The following TMSB4X variants were observed in gnomAD, a reference collection of about 807,000 sequenced individuals.
TMSB4X encodes thymosin beta-4.
In TMSB4X, 1 loss-of-function variant was observed where a neutral mutation model predicts 3.6. The observed-to-expected ratio is 0.28, with a 90% confidence interval of 0.10 to 1.32. The LOEUF (loss-of-function observed/expected upper bound fraction) is 1.32, where lower values mean the gene tolerates loss of function less well. TMSB4X is among the 40% of genes most tolerant of loss of function. The probability of loss-of-function intolerance (pLI) is 0.45; values close to 1 mark genes in which losing one functional copy is unlikely to be tolerated. For synonymous variants in TMSB4X, 12 were observed against 14.3 expected, an observed-to-expected ratio of 0.84 and a Z score of 0.36; for missense variants, 6 against 32.7, an observed-to-expected ratio of 0.18 and a Z score of 1.99.
At chrX:12,976,125 T>G in intron 1 of TMSB4X, 121 bp from the exon 2 acceptor site, 1 of 492,026 alleles carries the variant, frequency 2.0e-6, no homozygotes. Flanking sequence ...ACGGCAGCAG[T>G]AGGAGAGCGA....
chrX:12,976,360 A>C lies in TMSB4X; in HGVS notation c.99A>C (p.Glu33Asp), dbSNP rs2043296143. The C allele has an allele frequency of 8.3e-7, 1 of 1,199,972 alleles. No homozygotes were observed. Among genetic ancestry groups the C allele is most frequent in the Non-Finnish European group, 1.1e-6 (1 of 887,639 alleles). The change falls in exon 2 of 3, where the codon GAA becomes GAC. Residue 33 changes from glutamate to aspartate, a missense_variant and splice_region_variant. Glu to Asp is a conservative substitution (Grantham distance 45). Transcript: ENST00000451311. ...AGAAAAATCCACTGCCTTCCAAAGA[A>C]AGTGAGCTCCGACCCACCCCCATCT... ...TQEKNPLPSK[E>D]TIEQEKQAGE... is the part of the protein sequence containing the mutation.
At chrX:12,976,427 G>T in intron 2 of TMSB4X, 66 bp downstream of exon 2, 1 of 970,181 alleles carries the variant, frequency 1.0e-6, no homozygotes, top group Non-Finnish European at 1.5e-6. Flanking sequence ...AGGGCGGGAG[G>T]CTGGGAGCGG....
Position 12,976,234 on chromosome X carries a change from T to G in TMSB4X, c.-16-12T>G. 8.4e-7 allele frequency: 1 copy of G among 1,183,742 alleles called. No homozygotes were observed. The highest frequency in any genetic ancestry group is 1.1e-6 in the Non-Finnish European group (1 of 870,831). ...CTCTTCCTCACGCTCGCTCTTGGCT[T>G]GCTCCCTGCAGCTTTTCCTCCGCAA... On this transcript the variant is annotated splice_polypyrimidine_tract_variant and intron_variant, in intron 1 of 2. Transcript: ENST00000451311.
In TMSB4X at chrX:12,976,324, A is replaced by G. The variant is rs764702707; in HGVS notation, c.63A>G (p.Thr21=). ...EKFDKSKLKK[T]ETQEKNPLPS... ...TCGATAAGTCGAAACTGAAGAAGACAGAGACGCAAGAGAAAAATCCACTGC... is the reference window on the plus strand; with the variant it reads ...TCGATAAGTCGAAACTGAAGAAGACGGAGACGCAAGAGAAAAATCCACTGC... Residue 21 remains threonine (T), a synonymous_variant, in exon 2 of 3, where the codon ACA becomes ACG. Coordinates refer to ENST00000451311, the MANE Select transcript of TMSB4X (RefSeq NM_021109.4). The G allele has an allele frequency of 4.1e-6, 5 of 1,209,717 alleles. No individual in the cohort carries two copies. In the Admixed American group the frequency reaches 6.5e-5, roughly 16 times the overall value.
At chrX:12,976,695 T>C in intron 2 of TMSB4X, 82 bp from the exon 3 acceptor site, 1 of 1,087,213 alleles carries the variant, frequency 9.2e-7, no homozygotes, top group Non-Finnish European at 1.2e-6. Flanking sequence ...GAAAAGATGC[T>C]TTAAATGAAA....
intron 1 of TMSB4X, chrX:12,975,375 G>C (rs761920443): frequency 8.8e-6 from 1 of 113,751 alleles, no homozygotes; most frequent in Non-Finnish European, 1.9e-5. Flanking sequence ...GAACAAAACC[G>C]AAAAACTGGC....
chrX:12,976,458 G>A, intron 2 of TMSB4X, 97 bp downstream of exon 2: 2 of 713,382 alleles, frequency 2.8e-6, no homozygotes, highest in Admixed American at 2.8e-5. Flanking sequence ...AATTCGGGAG[G>A]GGGGAGTGCG....
At position 12,977,122 on chromosome X, in the gene TMSB4X, C is replaced by CTGTAATGCAGTTTAAAGGG. The variant is rs2147275397; in HGVS notation, c.*326_*327insAGGGTGTAATGCAGTTTAA. 1 of 273,761 alleles carries CTGTAATGCAGTTTAAAGGG rather than the reference C, an allele frequency of 3.7e-6. No homozygotes were observed. The highest frequency in any genetic ancestry group is 6.6e-6 in the Non-Finnish European group (1 of 151,857). The allele number at this position is 273,761 out of a possible 1,213,427, so 22.6% of individuals were successfully genotyped here. A position where few individuals can be genotyped will look rare whatever the true frequency, so the allele number is the denominator to read the frequency against. ...AAGCTGGCCCAAGGTGTCCTGCAGG[C>CTGTAATGCAGTTTAAAGGG]TGTAATGCAGTTTAATCAGAGTGCC... On this transcript the variant is annotated 3_prime_UTR_variant, in exon 3 of 3. Transcript: ENST00000451311.
At chrX:12,976,625 GTA>G (rs1172629948) in intron 2 of TMSB4X, 150 bp from the exon 3 acceptor site, 1 of 610,598 alleles carries the variant, frequency 1.6e-6, no homozygotes, top group African/African-American at 2.3e-5. Context: ...TTTCTATTTA[GTA>G]TATTCAATAT....
At chrX:12,976,733 A>G in intron 2 of TMSB4X, 44 bp from the exon 3 acceptor site, 1 of 1,178,959 alleles carries the variant, frequency 8.5e-7, no homozygotes. Context: ...GAATCCTTTA[A>G]TCATCTCCCT....
At chrX:12,975,976 T>C (rs1156973285) in intron 1 of TMSB4X, 3 of 232,870 alleles carry the variant, frequency 1.3e-5, no homozygotes, top group African/African-American at 5.7e-5. Flanking sequence ...TTCGCAGTGG[T>C]CAATTTCCTT....
intron 2 of TMSB4X, 57 bp downstream of exon 2, chrX:12,976,418 G>A: frequency 5.6e-6 from 6 of 1,064,971 alleles, no homozygotes; most frequent in Non-Finnish European, 5.2e-6. Context: ...GCCGGTGGGA[G>A]GGCGGGAGGC....
At chrX:12,976,559 T>C (rs1356254574) in intron 2 of TMSB4X, among the ~76,000 whole-genome samples, 198 bp downstream of exon 2, 1 of 111,863 alleles carries the variant, frequency 8.9e-6, no homozygotes, top group Non-Finnish European at 1.9e-5. Flanking sequence ...AGTAATTTAG[T>C]AATGGAATAT....
intron 1 of TMSB4X, 30 bp downstream of exon 1, chrX:12,975,198 C>T (rs901261917): frequency 1.7e-5 from 2 of 116,078 alleles, no homozygotes; most frequent in African/African-American, 6.5e-5. Flanking sequence ...CCTCCTTCCT[C>T]CTGCCGTCCT....
chrX:12,976,180 T>C, intron 1 of TMSB4X, 66 bp from the exon 2 acceptor site: 1 of 865,728 alleles, frequency 1.2e-6, no homozygotes, highest in Non-Finnish European at 1.7e-6. Flanking sequence ...GAAGTGCAGT[T>C]CCCAGCCCAG....
In TMSB4X at chrX:12,976,886, A is replaced by C. The variant is rs2043299469; in HGVS notation, c.*75A>C. 1.4e-5 allele frequency: 15 copies of C among 1,089,402 alleles called. No homozygotes were observed. The highest frequency in any genetic ancestry group is 1.6e-5 in the Non-Finnish European group (13 of 794,501). The allele number at this position is 1,089,402 out of a possible 1,213,427, so 89.8% of individuals were successfully genotyped here. On this transcript the variant is annotated 3_prime_UTR_variant, in exon 3 of 3. Coordinates refer to ENST00000451311, the MANE Select transcript of TMSB4X (RefSeq NM_021109.4). The stretch of plus-strand genomic sequence containing the variant: ...CTTATTTTACTTCTTTTAGCTGTTT[A>C]ACTTTGTAAGATGCAAAGAGGTTGG...
In TMSB4X at chrX:12,976,313, C is replaced by T. The variant is rs1329614106; in HGVS notation, c.52C>T (p.Leu18=). The change falls in exon 2 of 3, where the codon CTG becomes TTG. Residue 18 remains leucine, a synonymous_variant. Transcript: ENST00000451311. ...GATCGAGAAATTCGATAAGTCGAAA[C>T]TGAAGAAGACAGAGACGCAAGAGAA... ...AEIEKFDKSK[L]KKTETQEKNP... The T allele has an allele frequency of 8.3e-7, 1 of 1,210,705 alleles. No individual in the cohort carries two copies. The highest frequency in any genetic ancestry group is 1.1e-6 in the Non-Finnish European group (1 of 894,892).
chrX:12,976,229 T>C lies in TMSB4X; in HGVS notation c.-16-17T>C, dbSNP rs1452366737. 1 of 1,174,311 alleles carries C rather than the reference T, an allele frequency of 8.5e-7. No homozygotes were observed. Among genetic ancestry groups the C allele is most frequent in the East Asian group, 3.0e-5 (1 of 33,638 alleles). ...GGTGGCTCTTCCTCACGCTCGCTCTTGGCTTGCTCCCTGCAGCTTTTCCTC... is the reference window on the plus strand; with the variant it reads ...GGTGGCTCTTCCTCACGCTCGCTCTCGGCTTGCTCCCTGCAGCTTTTCCTC... On this transcript the variant is annotated splice_polypyrimidine_tract_variant and intron_variant, in intron 1 of 2. Coordinates refer to ENST00000451311, the MANE Select transcript of TMSB4X (RefSeq NM_021109.4).
chrX:12,976,610 A>C (rs1177902197), intron 2 of TMSB4X, among the ~76,000 whole-genome samples, 167 bp from the exon 3 acceptor site: 1 of 112,666 alleles, frequency 8.9e-6, no homozygotes, highest in Non-Finnish European at 1.9e-5. Flanking sequence ...ATCCATTAAA[A>C]TGTATTTCTA....
Sources: allele counts gnomAD v4.1 joint callset (sites outside exome capture counted in the v4.1 genomes callset), GRCh38; gene constraint gnomAD v4.1.1; transcripts MANE v1.5; gene names NCBI Gene and HGNC (gene_info 2026-07-23, HGNC 2026-07-21).